The following SMYD3 variants were observed in gnomAD, a reference collection of about 807,000 sequenced individuals.
The protein encoded by SMYD3 is histone-lysine N-methyltransferase SMYD3.
Under a neutral mutation model 57.7 loss-of-function variants are expected in SMYD3, and 36 were observed. The observed-to-expected ratio is 0.62, with a 90% confidence interval of 0.48 to 0.82. SMYD3 has a LOEUF of 0.82. Ranked by LOEUF, SMYD3 falls within the 40% of genes least tolerant of loss-of-function variation. The pLI, the probability that SMYD3 is intolerant of heterozygous loss-of-function variation, is 0.00. For missense variants in SMYD3, 515 were observed against 538.8 expected, an observed-to-expected ratio of 0.96 and a Z score of 0.44; for synonymous variants, 211 against 195.0, an observed-to-expected ratio of 1.08 and a Z score of -0.68.
intron 10 of SMYD3, chr1:245,814,250 A>T: frequency 2.1e-6 from 1 of 467,750 alleles, no homozygotes; most frequent in Non-Finnish European, 2.8e-6. Context: ...TCCTGTTTTG[A>T]AGGTAAACAA....
intron 5 of SMYD3, among the ~76,000 whole-genome samples, chr1:246,159,834 T>C (rs1269560567): frequency 6.6e-6 from 1 of 151,884 alleles, no homozygotes; most frequent in Admixed American, 6.5e-5. Flanking sequence ...TACTTTTTTT[T>C]TTCTCCACAC....
At chr1:246,132,635 G>A (rs1005440165) in intron 5 of SMYD3, among the ~76,000 whole-genome samples, 5 of 151,846 alleles carry the variant, frequency 3.3e-5, no homozygotes, top group African/African-American at 1.2e-4. Flanking sequence ...AGAAAAAGTG[G>A]GCTACATCAA....
At chr1:246,406,139 A>G (rs1176656213) in intron 1 of SMYD3, among the ~76,000 whole-genome samples, 1 of 151,674 alleles carries the variant, frequency 6.6e-6, no homozygotes, top group Non-Finnish European at 1.5e-5. Flanking sequence ...GTTGCCCAGG[A>G]GCTTGAACTC....
At chr1:246,038,228 T>C (rs951159563) in intron 5 of SMYD3, among the ~76,000 whole-genome samples, 3 of 152,216 alleles carry the variant, frequency 2.0e-5, no homozygotes, top group African/African-American at 7.2e-5. Context: ...TTTTACGTAG[T>C]GGAATTTATC....
At chr1:245,936,355 G>A (rs561219598) in intron 5 of SMYD3, among the ~76,000 whole-genome samples, 14 of 118,012 alleles carry the variant, frequency 1.2e-4, no homozygotes, top group South Asian at 5.9e-4. Context: ...CACTGAATAC[G>A]TAATCTTATT....
At chr1:245,769,783 C>T (rs887001270) in intron 10 of SMYD3, among the ~76,000 whole-genome samples, 3 of 152,170 alleles carry the variant, frequency 2.0e-5, no homozygotes, top group Admixed American at 6.5e-5. Context: ...TATAGTCAGT[C>T]CTCTGTATGC....
At chr1:246,330,674 A>C (rs1164342474) in intron 3 of SMYD3, 137 bp from the exon 4 acceptor site, 39 of 580,532 alleles carry the variant, frequency 6.7e-5, no homozygotes, top group Non-Finnish European at 1.1e-4. Context: ...TCTATTCATC[A>C]CTCTCATTAG....
At chr1:245,970,582 G>C (rs1237424912) in intron 5 of SMYD3, among the ~76,000 whole-genome samples, 1 of 151,986 alleles carries the variant, frequency 6.6e-6, no homozygotes, top group Non-Finnish European at 1.5e-5. Context: ...CTAATATCCA[G>C]AATCTACAAG....
intron 5 of SMYD3, among the ~76,000 whole-genome samples, chr1:246,134,805 C>A (rs113488424): frequency 9.2e-6 from 1 of 108,546 alleles, no homozygotes; most frequent in East Asian, 1.9e-4. Context: ...TCTTCCCCCC[C>A]CTGCCGCTTT....
intron 8 of SMYD3, among the ~76,000 whole-genome samples, chr1:245,893,034 A>G (rs1220454933): frequency 6.6e-6 from 1 of 152,240 alleles, no homozygotes; most frequent in Non-Finnish European, 1.5e-5. Flanking sequence ...GTAAGAAAAC[A>G]CCCAATTTTT....
intron 1 of SMYD3, among the ~76,000 whole-genome samples, chr1:246,363,763 T>G (rs2066049709): frequency 6.6e-6 from 1 of 151,944 alleles, no homozygotes; most frequent in Non-Finnish European, 1.5e-5. Context: ...TAATCTCAAG[T>G]ACCCAGGGAC....
intron 5 of SMYD3, among the ~76,000 whole-genome samples, chr1:246,216,593 C>A (rs932338951): frequency 2.0e-5 from 3 of 151,998 alleles, no homozygotes; most frequent in Non-Finnish European, 4.4e-5. Flanking sequence ...AGAATGCTAA[C>A]AATTGATGAA....
intron 5 of SMYD3, among the ~76,000 whole-genome samples, chr1:246,005,662 C>T (rs761798888): frequency 6.6e-6 from 1 of 152,154 alleles, no homozygotes; most frequent in Non-Finnish European, 1.5e-5. Flanking sequence ...TAAAGGGGCA[C>T]GCTTACAGTG....
intron 8 of SMYD3, among the ~76,000 whole-genome samples, chr1:245,882,059 C>A (rs1478372917): frequency 6.6e-6 from 1 of 152,200 alleles, no homozygotes. Flanking sequence ...TGAAAACATT[C>A]TCTGGCTTTT....
Position 246,126,733 on chromosome 1 carries a change from G to T in SMYD3, c.532-196796C>A, listed in dbSNP as rs2061515274. ...TTTTGCCAATACTCAGTTGAATGTT[G>T]TTTTACTCCTCTTTAATCCAAATAT... is the stretch of plus-strand genomic sequence containing the variant. On this transcript the variant is annotated intron_variant, in intron 5 of 11. Coordinates refer to ENST00000490107, the MANE Select transcript of SMYD3 (RefSeq NM_001167740.2). Among the ~76,000 whole-genome samples the T allele has an allele frequency of 2.6e-5, 4 of 152,268 alleles. 1 individual carries two copies. The South Asian group carries it at 8.3e-4, about 32-fold the overall frequency.
chr1:246,371,228 C>T (rs990329478), intron 1 of SMYD3, among the ~76,000 whole-genome samples: 13 of 152,292 alleles, frequency 8.5e-5, no homozygotes, highest in Non-Finnish European at 1.3e-4. Context: ...TGTTGTAAGT[C>T]ACTCGGACAG....
chr1:246,472,853 CTTTTTTTTTT>C (rs74163449), intron 1 of SMYD3, among the ~76,000 whole-genome samples: 1 of 102,910 alleles, frequency 9.7e-6, no homozygotes. Flanking sequence ...TCTCAAATTT[CTTTTTTTTTT>C]TTTTTTTTTT....
chr1:246,031,750 AAAGT>A (rs1374064082), intron 5 of SMYD3, among the ~76,000 whole-genome samples: 1 of 151,914 alleles, frequency 6.6e-6, no homozygotes, highest in African/African-American at 2.4e-5. Context: ...AAAAAAAAAA[AAAGT>A]TAGTGAAGAA....
intron 1 of SMYD3, among the ~76,000 whole-genome samples, chr1:246,364,222 CA>C (rs11361203): frequency 0.68 from 81,313 of 119,550 alleles, 25,430 homozygotes; most frequent in Middle Eastern, 0.78. Flanking sequence ...GGTTGTAAGC[CA>C]AAAAAAAAAA....
Sources: gnomAD v4.1 joint callset for allele counts (sites outside exome capture counted in the v4.1 genomes callset) on GRCh38, gnomAD v4.1.1 for gene constraint, MANE v1.5 for transcripts, NCBI Gene and HGNC (gene_info 2026-07-23, HGNC 2026-07-21) for gene names.